The following POTEG variants were observed in gnomAD, a reference collection of about 807,000 sequenced individuals.
POTEG encodes POTE ankyrin domain family member G, also known as ANKRD26-like family C member 2.
POTEG carries 2 observed loss-of-function variants against 49.6 expected under a neutral mutation model. The observed-to-expected ratio is 0.04, with a 90% confidence interval of 0.02 to 0.13. The LOEUF is 0.13. Ranked by LOEUF, POTEG falls within the 10% of genes least tolerant of loss-of-function variation. The pLI is 1.00. For missense variants in POTEG, 26 were observed against 545.2 expected (o/e 0.05, Z 9.48); for synonymous variants, 7 against 186.6 (o/e 0.04, Z 7.84).
At chr14:19,426,610 T>G in intron 3 of POTEG, 2 of 433,830 alleles carry the variant, frequency 4.6e-6, no homozygotes, top group Non-Finnish European at 9.2e-6. Context: ...TGGCAGTGAA[T>G]AACTGATGGT....
chr14:19,416,134 C>A (rs112361683), intron 7 of POTEG, among the ~76,000 whole-genome samples, 154 bp downstream of exon 7: 7,269 of 130,362 alleles, frequency 0.056, 7 homozygotes, highest in East Asian at 0.14. Flanking sequence ...ATGAGCCACC[C>A]CCCCAGCCAA....
intron 8 of POTEG, among the ~76,000 whole-genome samples, chr14:19,414,274 G>T (rs1883459546): frequency 7.0e-6 from 1 of 143,320 alleles, no homozygotes; most frequent in Non-Finnish European, 1.6e-5. Context: ...TTGATAATCA[G>T]ACTAAAACCA....
chr14:19,432,381 T>C (rs911403670), intron 1 of POTEG, among the ~76,000 whole-genome samples: 7 of 62,000 alleles, frequency 1.1e-4, no homozygotes, highest in African/African-American at 3.5e-4. Flanking sequence ...TATATATATA[T>C]ATATATATAT....
chr14:19,415,864 GAC>G (rs1883541683), intron 7 of POTEG, among the ~76,000 whole-genome samples: 2 of 41,002 alleles, frequency 4.9e-5, no homozygotes, highest in African/African-American at 1.2e-4. Flanking sequence ...TTTTTTTTTT[GAC>G]ACAGAGTCTT....
intron 9 of POTEG, among the ~76,000 whole-genome samples, chr14:19,408,942 A>ATATACAAATATACAAAGTAATTG (rs1883366841): frequency 6.6e-6 from 1 of 150,840 alleles, no homozygotes; most frequent in African/African-American, 2.4e-5. Context: ...TTACCAGTAA[A>ATATACAAATATACAAAGTAATTG]AGAATAGTGA....
intron 7 of POTEG, among the ~76,000 whole-genome samples, chr14:19,415,829 A>ATATTCTTTTTTTTTTTTTTTTTTTT (rs1491555758): frequency 1.0e-5 from 1 of 96,702 alleles, no homozygotes; most frequent in African/African-American, 4.5e-5. Flanking sequence ...ATCTATTAAA[A>ATATTCTTTTTTTTTTTTTTTTTTTT]TTTTTTTTTT....
At chr14:19,430,762 C>T (rs1162731414) in intron 1 of POTEG, among the ~76,000 whole-genome samples, 244 of 117,230 alleles carry the variant, frequency 2.1e-3, no homozygotes, top group African/African-American at 8.0e-3. Context: ...TAGGGCAATA[C>T]ATTTGCAATA....
intron 3 of POTEG, among the ~76,000 whole-genome samples, chr14:19,426,382 C>G (rs1452400513): frequency 1.3e-5 from 2 of 149,606 alleles, no homozygotes; most frequent in Non-Finnish European, 3.0e-5. Context: ...TGCCAAAGCT[C>G]TACATACTTA....
At chr14:19,426,577 C>A (rs1415985698) in intron 3 of POTEG, among the ~76,000 whole-genome samples, 1 of 152,272 alleles carries the variant, frequency 6.6e-6, no homozygotes, top group Non-Finnish European at 1.5e-5. Flanking sequence ...CTGCTCACAG[C>A]AAACTACTAA....
chr14:19,416,007 G>T (rs1193804651), intron 7 of POTEG, among the ~76,000 whole-genome samples: 2 of 148,134 alleles, frequency 1.4e-5, no homozygotes, highest in African/African-American at 4.9e-5. Context: ...ACCACACCCG[G>T]CTAAGATTTT....
At chr14:19,432,480 GTGTATAT>G (rs1884202154) in intron 1 of POTEG, among the ~76,000 whole-genome samples, 1 of 69,450 alleles carries the variant, frequency 1.4e-5, no homozygotes, top group African/African-American at 6.1e-5. Context: ...ATATATACAT[GTGTATAT>G]ATATCTGCAT....
At chr14:19,415,467 A>G (rs1481119167) in intron 7 of POTEG, among the ~76,000 whole-genome samples, 2 of 146,990 alleles carry the variant, frequency 1.4e-5, no homozygotes, top group Non-Finnish European at 3.1e-5. Context: ...CAGATTTTCA[A>G]TCACTGGCCA....
At chr14:19,431,598 C>CT (rs1198668290) in intron 1 of POTEG, among the ~76,000 whole-genome samples, 60 of 89,564 alleles carry the variant, frequency 6.7e-4, no homozygotes, top group African/African-American at 3.0e-3. Flanking sequence ...TATTTCATTC[C>CT]TTTTGTTTGT....
At chr14:19,414,818 T>G (rs1429220959) in intron 7 of POTEG, among the ~76,000 whole-genome samples, 4 of 138,878 alleles carry the variant, frequency 2.9e-5, no homozygotes, top group African/African-American at 1.0e-4. Context: ...GCCACATCAC[T>G]GGCTTCTAAC....
chr14:19,414,741 A>C (rs1414856445), intron 7 of POTEG, 135 bp from the exon 8 acceptor site: 20 of 1,138,838 alleles, frequency 1.8e-5, no homozygotes, highest in South Asian at 3.0e-5. Context: ...AAATAATTAA[A>C]ATTAAACTTA....
rs1168600526 is a variant in POTEG at position 19,432,397 on chromosome 14, T to C, written c.521+1372A>G. On this transcript the variant is annotated intron_variant, in intron 1 of 10. Coordinates refer to ENST00000547848, the MANE Select transcript of POTEG (RefSeq NM_001005356.3). ...ATATATATATATATATATATATATA[T>C]ATATATACACACACATGTATATATA... Among the ~76,000 whole-genome samples, 8 of 92,604 alleles carry C rather than the reference T, an allele frequency of 8.6e-5. 1 individual carries two copies. The highest frequency in any genetic ancestry group is 4.8e-4 in the East Asian group (2 of 4,210). 60.8% of individuals were successfully genotyped at this position (92,604 alleles called of 152,430 possible).
chr14:19,432,366 G>GTGTGTATATATATA (rs1555310346), intron 1 of POTEG, among the ~76,000 whole-genome samples: 1 of 37,868 alleles, frequency 2.6e-5, no homozygotes, highest in Non-Finnish European at 4.6e-5. Flanking sequence ...AAGAAATTTT[G>GTGTGTATATATATA]TATATATATA....
At chr14:19,428,741 T>C (rs1419343933) in intron 2 of POTEG, 26 bp from the exon 3 acceptor site, 1 of 1,311,606 alleles carries the variant, frequency 7.6e-7, no homozygotes, top group Non-Finnish European at 1.0e-6. Context: ...CATAAACAAA[T>C]TACAAATCCT....
chr14:19,433,212 C>T (rs1298521915), intron 1 of POTEG, among the ~76,000 whole-genome samples: 6 of 143,988 alleles, frequency 4.2e-5, no homozygotes, highest in African/African-American at 1.6e-4. Context: ...CAGGTGTGAG[C>T]CACCACGCCC....
Sources: allele counts gnomAD v4.1 joint callset (sites outside exome capture counted in the v4.1 genomes callset), GRCh38; gene constraint gnomAD v4.1.1; transcripts MANE v1.5; gene names NCBI Gene and HGNC (gene_info 2026-07-23, HGNC 2026-07-21).